Variants in PTPRM observed in about 807,000 individuals in gnomAD.
The protein encoded by PTPRM is receptor-type tyrosine-protein phosphatase mu.
Under a neutral mutation model 186.7 loss-of-function variants are expected in PTPRM, and 47 were observed. The observed-to-expected ratio is 0.25, with a 90% confidence interval of 0.20 to 0.32. The LOEUF is 0.32. PTPRM is among the 10% of genes least tolerant of loss of function. The probability of loss-of-function intolerance (pLI) is 1.00; values close to 1 mark genes in which losing one functional copy is unlikely to be tolerated. For synonymous variants in PTPRM, 668 were observed against 674.9 expected, an observed-to-expected ratio of 0.99 and a Z score of 0.16; for missense variants, 1,494 against 1,865.0, an observed-to-expected ratio of 0.80 and a Z score of 3.66.
At chr18:7,855,338 G>C (rs1002099952) in intron 2 of PTPRM, among the ~76,000 whole-genome samples, 2 of 152,156 alleles carry the variant, frequency 1.3e-5, no homozygotes, top group Non-Finnish European at 2.9e-5. Flanking sequence ...GTGGCTCAGG[G>C]GGCCTTGTGG....
At chr18:7,612,540 C>T (rs1272078322) in intron 1 of PTPRM, among the ~76,000 whole-genome samples, 1 of 152,134 alleles carries the variant, frequency 6.6e-6, no homozygotes, top group African/African-American at 2.4e-5. Flanking sequence ...GCCTTGGACC[C>T]TTGCTTCATA....
At chr18:7,905,388 C>G (rs1335072975) in intron 3 of PTPRM, among the ~76,000 whole-genome samples, 1 of 152,186 alleles carries the variant, frequency 6.6e-6, no homozygotes, top group Non-Finnish European at 1.5e-5. Context: ...TAGGCCTTTT[C>G]CTCTTCTCTT....
At chr18:8,288,640 C>T (rs1358067917) in intron 19 of PTPRM, among the ~76,000 whole-genome samples, 1 of 152,172 alleles carries the variant, frequency 6.6e-6, no homozygotes, top group Non-Finnish European at 1.5e-5. Context: ...TTACTGTTTC[C>T]ATGACTATTT....
intron 19 of PTPRM, among the ~76,000 whole-genome samples, chr18:8,254,250 G>A (rs538782822): frequency 1.1e-4 from 16 of 152,250 alleles, no homozygotes; most frequent in Non-Finnish European, 1.5e-4. Flanking sequence ...GATATTCTCC[G>A]AATACATAAA....
intron 1 of PTPRM, among the ~76,000 whole-genome samples, chr18:7,738,607 T>TTTTTTTGTA (rs1555661584): frequency 2.6e-5 from 4 of 150,982 alleles, no homozygotes; most frequent in African/African-American, 9.8e-5. Context: ...GGCTATTTTT[T>TTTTTTTGTA]TTTTTTTGTA....
chr18:7,677,317 A>G (rs762634401), intron 1 of PTPRM, among the ~76,000 whole-genome samples: 12 of 152,204 alleles, frequency 7.9e-5, no homozygotes, highest in Non-Finnish European at 1.2e-4. Context: ...TTTCAGCAGT[A>G]ATATTAGATG....
chr18:8,171,959 C>T (rs990954454), intron 14 of PTPRM, among the ~76,000 whole-genome samples: 9 of 152,092 alleles, frequency 5.9e-5, no homozygotes, highest in Non-Finnish European at 1.2e-4. Context: ...AATACTGTGC[C>T]GAAAGTGAAA....
At chr18:8,341,467 GT>G (rs1306544225) in intron 22 of PTPRM, among the ~76,000 whole-genome samples, 1 of 152,184 alleles carries the variant, frequency 6.6e-6, no homozygotes, top group Admixed American at 6.5e-5. Flanking sequence ...GAAGGGGTGA[GT>G]GAGGAATATG....
At chr18:7,972,478 T>TTAAAAAAAAAAAAAAAAA (rs2054607976) in intron 7 of PTPRM, among the ~76,000 whole-genome samples, 1 of 8,132 alleles carries the variant, frequency 1.2e-4, no homozygotes, top group African/African-American at 3.3e-4. Context: ...AAAAAAAACA[T>TTAAAAAAAAAAAAAAAAA]TAAAAAAAAA....
At chr18:8,098,935 T>C (rs960908843) in intron 11 of PTPRM, among the ~76,000 whole-genome samples, 2 of 152,154 alleles carry the variant, frequency 1.3e-5, no homozygotes, top group African/African-American at 4.8e-5. Context: ...CCAGACTTCC[T>C]CTAATGGGGA....
At position 7,649,720 on chromosome 18, in the gene PTPRM, A is replaced by G. The variant is rs138799833; in HGVS notation, c.73+81829A>G. 1.8e-4 allele frequency among the ~76,000 whole-genome samples: 28 copies of G among 152,206 alleles called. No homozygotes were observed. In the East Asian group the frequency reaches 3.3e-3, roughly 18 times the overall value. On this transcript the variant is annotated intron_variant, in intron 1 of 32. Coordinates refer to ENST00000580170, the MANE Select transcript of PTPRM (RefSeq NM_001105244.2). Reference sequence around the variant, plus strand: ...AGCCTGGGCAACAGAGTGAGACTCCATCTTAAAATAATACTAATAATAAAG... The same window carrying G: ...AGCCTGGGCAACAGAGTGAGACTCCGTCTTAAAATAATACTAATAATAAAG...
chr18:7,976,152 A>G (rs1475121873), intron 7 of PTPRM, among the ~76,000 whole-genome samples: 1 of 152,224 alleles, frequency 6.6e-6, no homozygotes, highest in Non-Finnish European at 1.5e-5. Flanking sequence ...CGGGAGACAG[A>G]GGGAGACTCC....
chr18:7,702,304 C>T (rs539305514), intron 1 of PTPRM, among the ~76,000 whole-genome samples: 1 of 152,314 alleles, frequency 6.6e-6, no homozygotes, highest in Admixed American at 6.5e-5. Context: ...TACACTCCCA[C>T]CAACAGTGTA....
At chr18:8,097,195 A>G (rs2091055193) in intron 11 of PTPRM, among the ~76,000 whole-genome samples, 1 of 152,198 alleles carries the variant, frequency 6.6e-6, no homozygotes, top group Non-Finnish European at 1.5e-5. Context: ...TTTTTTAAGT[A>G]TATTATATTA....
At position 8,403,006 on chromosome 18, in the gene PTPRM, A is replaced by G. The variant is rs1398619833; in HGVS notation, c.4345-3103A>G. ...CTTACTTTAAAGGCAAACCAAGTCC[A>G]AAAGTTCTAAATTGAGAAAGCTGGA... is the stretch of plus-strand genomic sequence containing the variant. On this transcript the variant is annotated intron_variant, in intron 32 of 32. Transcript: ENST00000580170. 2.0e-5 allele frequency: 3 copies of G among 152,240 alleles called. No homozygotes were observed. In the East Asian group the frequency reaches 5.8e-4, roughly 29 times the overall value. 9.4% of individuals were successfully genotyped at this position (152,240 alleles called of 1,614,324 possible).
intron 1 of PTPRM, among the ~76,000 whole-genome samples, chr18:7,673,966 A>G (rs927112130): frequency 6.6e-6 from 1 of 152,132 alleles, no homozygotes; most frequent in Non-Finnish European, 1.5e-5. Context: ...AGGGGAGAAG[A>G]GTACACGCAG....
At chr18:8,240,182 CAG>C (rs2094399158) in intron 14 of PTPRM, among the ~76,000 whole-genome samples, 1 of 152,150 alleles carries the variant, frequency 6.6e-6, no homozygotes, top group Admixed American at 6.5e-5. Flanking sequence ...ACAATCCTAA[CAG>C]AGTCTCTTTC....
Position 7,729,401 on chromosome 18 carries a change from T to C in PTPRM, c.74-44748T>C, listed in dbSNP as rs1424499710. On this transcript the variant is annotated intron_variant, in intron 1 of 32. Coordinates refer to ENST00000580170, the MANE Select transcript of PTPRM (RefSeq NM_001105244.2). ...AGTGAAATAGATGATCTTCTCAAGATAGATTATACAATCATGCCTTAGGCT... is the reference window on the plus strand; with the variant it reads ...AGTGAAATAGATGATCTTCTCAAGACAGATTATACAATCATGCCTTAGGCT... Among the ~76,000 whole-genome samples the C allele has an allele frequency of 3.3e-5, 5 of 152,228 alleles. No homozygotes were observed. The South Asian group carries it at 1.0e-3, about 32-fold the overall frequency.
intron 13 of PTPRM, among the ~76,000 whole-genome samples, chr18:8,135,456 T>C (rs1227432006): frequency 6.6e-6 from 1 of 152,056 alleles, no homozygotes; most frequent in East Asian, 1.9e-4. Flanking sequence ...AAGTGTTACA[T>C]AGATTCCTGG....
Sources: gnomAD v4.1 joint callset for allele counts (sites outside exome capture counted in the v4.1 genomes callset) on GRCh38, gnomAD v4.1.1 for gene constraint, MANE v1.5 for transcripts, NCBI Gene and HGNC (gene_info 2026-07-23, HGNC 2026-07-21) for gene names.